NKAIN2: variants seen among roughly 807,000 people sequenced by gnomAD.
The protein encoded by NKAIN2 is sodium/potassium-transporting ATPase subunit beta-1-interacting protein 2.
In NKAIN2, 14 loss-of-function variants were observed where a neutral mutation model predicts 32.6. That is an observed-to-expected ratio of 0.43 (90% CI 0.28 to 0.67). The LOEUF (loss-of-function observed/expected upper bound fraction) is 0.67, where lower values mean the gene tolerates loss of function less well. Among genes scored for constraint, NKAIN2 ranks in the 30% least tolerant of loss-of-function variants. NKAIN2 has a pLI of 0.17. For missense variants in NKAIN2, 198 were observed against 258.3 expected (o/e 0.77, Z 1.60); for synonymous variants, 80 against 87.2 (o/e 0.92, Z 0.46).
chr6:123,942,365 T>C (rs544441405), intron 1 of NKAIN2, among the ~76,000 whole-genome samples: 1 of 152,168 alleles, frequency 6.6e-6, no homozygotes, highest in African/African-American at 2.4e-5. Context: ...CTTATAGTTG[T>C]AGACATTGAA....
At chr6:123,863,897 A>C (rs961747631) in intron 1 of NKAIN2, among the ~76,000 whole-genome samples, 1 of 152,178 alleles carries the variant, frequency 6.6e-6, no homozygotes, top group African/African-American at 2.4e-5. Context: ...TTATAAATCC[A>C]GTTATATGGC....
intron 3 of NKAIN2, among the ~76,000 whole-genome samples, chr6:124,518,292 T>TA (rs59600600): frequency 0.5 from 70,237 of 140,058 alleles, 18,333 homozygotes; most frequent in East Asian, 0.65. Flanking sequence ...TGATTCTAGT[T>TA]AAAAAAAAAA....
intron 4 of NKAIN2, among the ~76,000 whole-genome samples, chr6:124,667,410 T>A (rs1772858791): frequency 1.3e-5 from 2 of 152,084 alleles, no homozygotes; most frequent in Non-Finnish European, 2.9e-5. Context: ...ATAAAATTAT[T>A]TCAGGAAGAA....
At chr6:124,184,163 G>T (rs1467960005) in intron 1 of NKAIN2, among the ~76,000 whole-genome samples, 1 of 151,990 alleles carries the variant, frequency 6.6e-6, no homozygotes, top group Non-Finnish European at 1.5e-5. Flanking sequence ...AAACTTAACT[G>T]CTACTTCAGG....
chr6:124,812,526 T>C lies in NKAIN2; in HGVS notation c.536-5861T>C, dbSNP rs530135837. On this transcript the variant is annotated intron_variant, in intron 5 of 6. Coordinates refer to ENST00000368417, the MANE Select transcript of NKAIN2 (RefSeq NM_001040214.3). Reference sequence around the variant, plus strand: ...ACAAATAAACAAGCAGATTTATACATCAGGTAGAAATAGGTTGCAATGAAG... The same window carrying C: ...ACAAATAAACAAGCAGATTTATACACCAGGTAGAAATAGGTTGCAATGAAG... Among the ~76,000 whole-genome samples the C allele has an allele frequency of 5.3e-5, 8 of 152,258 alleles. No homozygotes were observed. In the South Asian group the frequency reaches 1.7e-3, roughly 32 times the overall value.
intron 2 of NKAIN2, among the ~76,000 whole-genome samples, chr6:124,345,959 T>C (rs1177880661): frequency 6.6e-6 from 1 of 152,204 alleles, no homozygotes; most frequent in African/African-American, 2.4e-5. Context: ...CTGCTTTCTC[T>C]TCTGGGCATT....
At chr6:124,076,654 C>A (rs1005135090) in intron 1 of NKAIN2, among the ~76,000 whole-genome samples, 3 of 152,204 alleles carry the variant, frequency 2.0e-5, no homozygotes, top group Admixed American at 6.5e-5. Flanking sequence ...ACAGAAATTT[C>A]TTAAATCCAT....
chr6:124,232,674 C>T (rs1792521554), intron 1 of NKAIN2, among the ~76,000 whole-genome samples: 4 of 152,130 alleles, frequency 2.6e-5, no homozygotes, highest in Admixed American at 2.6e-4. Context: ...CTCAAATTTG[C>T]TTACGTAAAA....
intron 1 of NKAIN2, among the ~76,000 whole-genome samples, chr6:124,118,081 G>A (rs1042486609): frequency 6.6e-6 from 1 of 151,880 alleles, no homozygotes; most frequent in African/African-American, 2.4e-5. Flanking sequence ...CTTGTATTCT[G>A]GAGGTTTAAA....
At chr6:124,813,518 T>A (rs747920939) in intron 5 of NKAIN2, among the ~76,000 whole-genome samples, 1 of 152,188 alleles carries the variant, frequency 6.6e-6, no homozygotes, top group African/African-American at 2.4e-5. Flanking sequence ...TCACTGTTGA[T>A]AACGTTCCAA....
intron 1 of NKAIN2, among the ~76,000 whole-genome samples, chr6:124,025,846 A>C (rs1582949572): frequency 6.6e-6 from 1 of 152,298 alleles, no homozygotes; most frequent in East Asian, 1.9e-4. Context: ...TGGCCCCTTG[A>C]CAACAGAGAA....
At chr6:124,709,316 T>C (rs1298581764) in intron 4 of NKAIN2, among the ~76,000 whole-genome samples, 3 of 149,724 alleles carry the variant, frequency 2.0e-5, no homozygotes, top group African/African-American at 7.4e-5. Context: ...TGGTTGTGTC[T>C]CTGCCAGGCT....
At chr6:124,589,350 T>A (rs1486319337) in intron 3 of NKAIN2, among the ~76,000 whole-genome samples, 1 of 152,200 alleles carries the variant, frequency 6.6e-6, no homozygotes, top group East Asian at 1.9e-4. Flanking sequence ...CTGTACTTAT[T>A]TACCGTTCTA....
At chr6:124,225,732 A>G (rs1187295395) in intron 1 of NKAIN2, among the ~76,000 whole-genome samples, 6 of 152,082 alleles carry the variant, frequency 3.9e-5, no homozygotes, top group African/African-American at 1.2e-4. Context: ...CTATAAAAAC[A>G]TAAACCTCTA....
chr6:124,483,280 A>G (rs1265070756), intron 3 of NKAIN2, among the ~76,000 whole-genome samples: 1 of 152,216 alleles, frequency 6.6e-6, no homozygotes, highest in Non-Finnish European at 1.5e-5. Context: ...AGTCATAGCC[A>G]TGAAAGAATA....
intron 1 of NKAIN2, among the ~76,000 whole-genome samples, chr6:123,915,242 T>C (rs1205708106): frequency 6.6e-6 from 1 of 152,178 alleles, no homozygotes; most frequent in African/African-American, 2.4e-5. Context: ...AACCTATTCA[T>C]ACTGCTGGCA....
chr6:124,507,675 C>T (rs188982761), intron 3 of NKAIN2, among the ~76,000 whole-genome samples: 68 of 152,120 alleles, frequency 4.5e-4, no homozygotes, highest in Non-Finnish European at 1.6e-4. Context: ...ACACTTAATC[C>T]TAATACTCAA....
chr6:124,521,214 G>C (rs1177947647), intron 3 of NKAIN2, among the ~76,000 whole-genome samples: 2 of 152,152 alleles, frequency 1.3e-5, no homozygotes, highest in East Asian at 1.9e-4. Context: ...TCCCATCACT[G>C]TTCCCCGTCT....
intron 1 of NKAIN2, among the ~76,000 whole-genome samples, chr6:124,168,552 T>TTGTGTGTGTG (rs58658301): frequency 2.0e-5 from 3 of 149,658 alleles, no homozygotes; most frequent in African/African-American, 7.3e-5. Flanking sequence ...CCTGTTAATT[T>TTGTGTGTGTG]TGTGTGTGTG....
Sources: gnomAD v4.1 joint callset for allele counts (sites outside exome capture counted in the v4.1 genomes callset) on GRCh38, gnomAD v4.1.1 for gene constraint, MANE v1.5 for transcripts, NCBI Gene and HGNC (gene_info 2026-07-23, HGNC 2026-07-21) for gene names.